GEMIN7: variants seen among roughly 807,000 people sequenced by gnomAD.
GEMIN7 encodes the protein gem nuclear organelle associated protein 7, also known as gem-associated protein 7.
A neutral mutation model predicts 7.8 loss-of-function variants in GEMIN7; 7 were observed. The observed-to-expected ratio is 0.90, with a 90% confidence interval of 0.51 to 1.69. The LOEUF is 1.69. Ranked by LOEUF, GEMIN7 falls within the 40% of genes most tolerant of loss-of-function variation. The pLI, the probability that GEMIN7 is intolerant of heterozygous loss-of-function variation, is 0.00. For missense variants in GEMIN7, 159 were observed against 176.2 expected, an observed-to-expected ratio of 0.90 and a Z score of 0.55; for synonymous variants, 68 against 72.4, an observed-to-expected ratio of 0.94 and a Z score of 0.31.
At chr19:45,083,080 C>T (rs1398737190) in intron 2 of GEMIN7, among the ~76,000 whole-genome samples, 2 of 152,194 alleles carry the variant, frequency 1.3e-5, no homozygotes, top group Admixed American at 6.5e-5. Context: ...CAGTAAAATA[C>T]TTACAGAGAA....
At chr19:45,077,443 C>T (rs771062273), upstream of GEMIN7, among the ~76,000 whole-genome samples, 88 of 152,202 alleles carry the variant, frequency 5.8e-4, no homozygotes, top group Admixed American at 1.0e-3. Context: ...CCCTGCCCCA[C>T]CCTCAATCCC....
At chr19:45,089,139 G>A (rs933441261) in intron 2 of GEMIN7, among the ~76,000 whole-genome samples, 13 of 151,610 alleles carry the variant, frequency 8.6e-5, no homozygotes, top group Non-Finnish European at 1.2e-4. Flanking sequence ...GCGGGGTTTC[G>A]CCATGTTGAC....
At chr19:45,075,805 T>A (rs774866288), upstream of GEMIN7, 28 of 1,613,982 alleles carry the variant, frequency 1.7e-5, no homozygotes, top group Middle Eastern at 1.6e-4. Context: ...CGGGAAGGTC[T>A]GCAGGCAGCG....
rs146967724 is a variant in GEMIN7, at chr19:45,091,314, G to A, written c.*804G>A. ...TAAAAGGCCGAGGATTCGCGATCAG[G>A]GTGCAACTTCACTCCCTCCTCTTTT... On this transcript the variant is annotated 3_prime_UTR_variant, in exon 3 of 3. Coordinates refer to ENST00000270257, the MANE Select transcript of GEMIN7 (RefSeq NM_024707.3). The A allele has an allele frequency of 1.8e-5, 3 of 167,132 alleles. No individual in the cohort carries two copies. The highest frequency in any genetic ancestry group is 7.2e-5 in the African/African-American group (3 of 41,466). 10.4% of individuals were successfully genotyped at this position (167,132 alleles called of 1,614,324 possible). A position where few individuals can be genotyped will look rare whatever the true frequency, so the allele number is the denominator to read the frequency against.
upstream of GEMIN7, chr19:45,075,726 G>A: frequency 6.2e-7 from 1 of 1,614,020 alleles, no homozygotes. Flanking sequence ...AGCCCTGGCC[G>A]CGGCTGGGGC....
At chr19:45,088,159 T>G (rs1462896545) in intron 2 of GEMIN7, among the ~76,000 whole-genome samples, 1 of 152,002 alleles carries the variant, frequency 6.6e-6, no homozygotes, top group Non-Finnish European at 1.5e-5. Context: ...TTGGCCAGGC[T>G]GGTCTCGAAC....
At chr19:45,077,646 G>C (rs1009245304), upstream of GEMIN7, among the ~76,000 whole-genome samples, 4 of 152,072 alleles carry the variant, frequency 2.6e-5, no homozygotes, top group Non-Finnish European at 5.9e-5. Flanking sequence ...TTCAGGTCTG[G>C]GTTCCATTGT....
At chr19:45,080,523 G>A (rs377477394) in intron 2 of GEMIN7, among the ~76,000 whole-genome samples, 36 of 151,912 alleles carry the variant, frequency 2.4e-4, no homozygotes, top group Non-Finnish European at 2.2e-4. Flanking sequence ...TTACAGATGC[G>A]TGCCACCACA....
chr19:45,075,639 T>C, upstream of GEMIN7: 2 of 1,559,988 alleles, frequency 1.3e-6, no homozygotes, highest in Non-Finnish European at 1.7e-6. Flanking sequence ...TGCCCTGCCG[T>C]CCAGCCCAGC....
intron 2 of GEMIN7, among the ~76,000 whole-genome samples, chr19:45,081,696 C>T (rs1312667980): frequency 6.6e-6 from 1 of 151,916 alleles, no homozygotes; most frequent in African/African-American, 2.4e-5. Flanking sequence ...GCACGATCTC[C>T]GCTCACTTCA....
At chr19:45,085,476 A>C (rs1600139747) in intron 2 of GEMIN7, 1 of 152,204 alleles carries the variant, frequency 6.6e-6, no homozygotes, top group African/African-American at 2.4e-5. Flanking sequence ...TGCTGCTCAA[A>C]CCCTACACCT....
At chr19:45,086,114 G>A (rs1349387446) in intron 2 of GEMIN7, among the ~76,000 whole-genome samples, 1 of 151,586 alleles carries the variant, frequency 6.6e-6, no homozygotes, top group Non-Finnish European at 1.5e-5. Context: ...TGATCCGCCT[G>A]CCTTGGCCTC....
At chr19:45,076,282 A>G (rs769563026), upstream of GEMIN7, 44 of 1,476,394 alleles carry the variant, frequency 3.0e-5, no homozygotes, top group Non-Finnish European at 3.7e-5. This position sits in a 1 kb window ranked among gnomAD's most constrained non-coding sequence, Gnocchi z 4.9. Flanking sequence ...GAGTTCGATG[A>G]CGAGGTCCTG....
upstream of GEMIN7, among the ~76,000 whole-genome samples, chr19:45,078,309 C>T (rs931849132): frequency 5.3e-5 from 8 of 152,018 alleles, no homozygotes; most frequent in Middle Eastern, 3.4e-3. Context: ...AGGCTGGTCT[C>T]GAACTCCTGA....
intron 2 of GEMIN7, among the ~76,000 whole-genome samples, chr19:45,088,134 C>T (rs1194539564): frequency 2.0e-5 from 3 of 151,628 alleles, no homozygotes; most frequent in Non-Finnish European, 2.9e-5. Flanking sequence ...TTCGTAGAGA[C>T]GGGGTTTCAC....
At chr19:45,075,655 T>A (rs1967332229), upstream of GEMIN7, 1 of 1,594,800 alleles carries the variant, frequency 6.3e-7, no homozygotes, top group East Asian at 2.2e-5. Flanking sequence ...CCAGCCCCTT[T>A]CCAGCAGGAA....
intron 2 of GEMIN7, among the ~76,000 whole-genome samples, chr19:45,086,017 G>A (rs1197514031): frequency 2.6e-5 from 4 of 151,428 alleles, no homozygotes; most frequent in Non-Finnish European, 5.9e-5. Context: ...ACAGGCGACT[G>A]CCACCACGCC....
At chr19:45,080,502 C>T (rs1429709528) in intron 2 of GEMIN7, among the ~76,000 whole-genome samples, 1 of 151,756 alleles carries the variant, frequency 6.6e-6, no homozygotes, top group Non-Finnish European at 1.5e-5. Context: ...CAGCCTCCTG[C>T]GTAGCTGGGA....
At chr19:45,075,739 C>T, upstream of GEMIN7, 4 of 1,614,110 alleles carry the variant, frequency 2.5e-6, no homozygotes, top group Non-Finnish European at 3.4e-6. Context: ...GCTGGGGCCT[C>T]TGAAGAGCTG....
Sources: gnomAD v4.1 joint callset for allele counts (sites outside exome capture counted in the v4.1 genomes callset) on GRCh38, gnomAD v4.1.1 for gene constraint, Gnocchi (gnomAD v3.1) non-coding constraint, MANE v1.5 for transcripts, NCBI Gene and HGNC (gene_info 2026-07-23, HGNC 2026-07-21) for gene names.